Variants in CNKSR2 observed in about 807,000 individuals in gnomAD.
The protein encoded by CNKSR2 is connector enhancer of kinase suppressor of Ras 2.
A neutral mutation model predicts 84.4 loss-of-function variants in CNKSR2; 14 were observed. That is an observed-to-expected ratio of 0.17 (90% confidence interval 0.11 to 0.26). The LOEUF is 0.26. Among genes scored for constraint, CNKSR2 ranks in the 10% least tolerant of loss-of-function variants. The probability of loss-of-function intolerance (pLI) is 1.00; values close to 1 mark genes in which losing one functional copy is unlikely to be tolerated. For synonymous variants in CNKSR2, 275 were observed against 277.9 expected (o/e 0.99, Z 0.10); for missense variants, 485 against 771.2 (o/e 0.63, Z 4.40).
intron 4 of CNKSR2, among the ~76,000 whole-genome samples, chrX:21,449,632 C>T (rs1425554876): frequency 1.8e-5 from 2 of 110,580 alleles, no homozygotes; most frequent in African/African-American, 3.3e-5. Context: ...TAATAATGCT[C>T]ATATCAAATG....
intron 1 of CNKSR2, among the ~76,000 whole-genome samples, chrX:21,397,943 A>G (rs2146979762): frequency 9.0e-6 from 1 of 111,694 alleles, no homozygotes; most frequent in South Asian, 3.7e-4. Flanking sequence ...TTTATTCAGA[A>G]AGCTTATTGA....
intron 13 of CNKSR2, among the ~76,000 whole-genome samples, chrX:21,567,423 A>C: frequency 9.0e-6 from 1 of 111,623 alleles, no homozygotes; most frequent in Non-Finnish European, 1.9e-5. Context: ...TGAGTGAGTA[A>C]ATTTGACAGG....
chrX:21,430,044 G>A (rs751526559), intron 2 of CNKSR2, among the ~76,000 whole-genome samples: 14 of 111,944 alleles, frequency 1.3e-4, no homozygotes, highest in Non-Finnish European at 2.6e-4. Context: ...TTTAAAACAT[G>A]TTTTTAGATT....
intron 13 of CNKSR2, among the ~76,000 whole-genome samples, chrX:21,571,157 T>C (rs888751726): frequency 1.8e-5 from 2 of 112,537 alleles, no homozygotes; most frequent in African/African-American, 3.2e-5. Flanking sequence ...TGTTATTTAG[T>C]GTACTGTTGT....
At chrX:21,392,835 G>A (rs2090069652) in intron 1 of CNKSR2, among the ~76,000 whole-genome samples, 1 of 111,204 alleles carries the variant, frequency 9.0e-6, no homozygotes, top group Non-Finnish European at 1.9e-5. Flanking sequence ...AGATGAGTTT[G>A]GGTTATGAGG....
chrX:21,459,424 C>A (rs1472996735), intron 4 of CNKSR2, among the ~76,000 whole-genome samples: 1 of 111,261 alleles, frequency 9.0e-6, no homozygotes, highest in Non-Finnish European at 1.9e-5. Flanking sequence ...TAGATATATT[C>A]TTGATTCATT....
intron 20 of CNKSR2, among the ~76,000 whole-genome samples, chrX:21,637,965 C>T (rs1050060573): frequency 9.0e-6 from 1 of 111,135 alleles, no homozygotes; most frequent in African/African-American, 3.3e-5. Flanking sequence ...ACAAGTAGTC[C>T]TTGGCTTTGC....
At chrX:21,588,217 A>G (rs944225622) in intron 13 of CNKSR2, among the ~76,000 whole-genome samples, 1 of 111,983 alleles carries the variant, frequency 8.9e-6, no homozygotes, top group Admixed American at 9.5e-5. Flanking sequence ...GGGCAAAATA[A>G]TCTTATCATT....
At chrX:21,646,143 G>T (rs1170918895) in intron 20 of CNKSR2, among the ~76,000 whole-genome samples, 3 of 111,113 alleles carry the variant, frequency 2.7e-5, no homozygotes. Context: ...GTAGGGGATG[G>T]GGGCAGGGGG....
At chrX:21,418,457 T>C (rs1276770678) in intron 1 of CNKSR2, among the ~76,000 whole-genome samples, 1 of 112,031 alleles carries the variant, frequency 8.9e-6, no homozygotes, top group Non-Finnish European at 1.9e-5. Context: ...GTACTTCCTT[T>C]AGCATTTCTT....
At chrX:21,523,745 A>G (rs1178738296) in intron 9 of CNKSR2, among the ~76,000 whole-genome samples, 1 of 110,680 alleles carries the variant, frequency 9.0e-6, no homozygotes, top group African/African-American at 3.3e-5. Flanking sequence ...TGATAGGTGT[A>G]TTTTTAATGC....
chrX:21,402,923 A>T (rs748535732), intron 1 of CNKSR2, among the ~76,000 whole-genome samples: 1 of 111,537 alleles, frequency 9.0e-6, no homozygotes, highest in East Asian at 2.8e-4. Flanking sequence ...CTAGAACTAG[A>T]TCCTGGCACA....
chrX:21,451,754 C>T lies in CNKSR2; in HGVS notation c.519+10973C>T, dbSNP rs776987558. ...AGGAGATATACCTAATGCTAAATGA[C>T]GAGTTAATGGGTGCAGCACATCAGC... On this transcript the variant is annotated intron_variant, in intron 4 of 21. Transcript: ENST00000379510. Among the ~76,000 whole-genome samples, 400 of 105,016 alleles carry T rather than the reference C, an allele frequency of 3.8e-3. 1 individual carries two copies. Among genetic ancestry groups the T allele is most frequent in the South Asian group, 0.013 (28 of 2,128 alleles). The allele number at this position is 105,016 out of a possible 115,157, so 91.2% of individuals were successfully genotyped here. A position where few individuals can be genotyped will look rare whatever the true frequency, so the allele number is the denominator to read the frequency against.
chrX:21,420,867 C>G, intron 1 of CNKSR2, among the ~76,000 whole-genome samples: 1 of 111,326 alleles, frequency 9.0e-6, no homozygotes, highest in Non-Finnish European at 1.9e-5. Context: ...TACCAGCACT[C>G]TCTTGGCCAC....
intron 11 of CNKSR2, among the ~76,000 whole-genome samples, chrX:21,559,867 T>A (rs1240032115): frequency 7.1e-5 from 8 of 111,994 alleles, no homozygotes; most frequent in Non-Finnish European, 1.3e-4. Flanking sequence ...TTAATAATTT[T>A]ATCATGTCTA....
chrX:21,573,746 C>T (rs749692248), intron 13 of CNKSR2, among the ~76,000 whole-genome samples: 101 of 111,199 alleles, frequency 9.1e-4, no homozygotes, highest in Non-Finnish European at 1.6e-3. Context: ...ACCATTTTTT[C>T]CTCCTAAGCC....
At chrX:21,646,397 T>C (rs1220052837) in intron 20 of CNKSR2, among the ~76,000 whole-genome samples, 1 of 112,021 alleles carries the variant, frequency 8.9e-6, no homozygotes, top group Non-Finnish European at 1.9e-5. Flanking sequence ...TTAATACCTA[T>C]GTATGTCATT....
rs1602078570 is a variant in CNKSR2, at chrX:21,653,729, C to G, written c.*1208C>G. Reference sequence around the variant, plus strand: ...AGGAAAAGTCCTCTTCATATATTTCCATTTATAAGCGTCTTGTTTTTGAAA... The same window carrying G: ...AGGAAAAGTCCTCTTCATATATTTCGATTTATAAGCGTCTTGTTTTTGAAA... On this transcript the variant is annotated 3_prime_UTR_variant, in exon 22 of 22. Transcript: ENST00000379510. 1 of 110,647 alleles carries G rather than the reference C, an allele frequency of 9.0e-6. No individual in the cohort carries two copies. Among genetic ancestry groups the G allele is most frequent in the East Asian group, 2.9e-4 (1 of 3,505 alleles). The allele number at this position is 110,647 out of a possible 1,213,427, so 9.1% of individuals were successfully genotyped here.
In CNKSR2 at chrX:21,456,685, G is replaced by C. The variant is rs148801466; in HGVS notation, c.520-14081G>C. ...TGAGTAATGCTGCAATGGGAAACCA[G>C]ACATCTTTTCAATATAGTGATTTTA... is the stretch of plus-strand genomic sequence containing the variant. On this transcript the variant is annotated intron_variant, in intron 4 of 21. Coordinates refer to ENST00000379510, the MANE Select transcript of CNKSR2 (RefSeq NM_014927.5). 6.3e-3 allele frequency among the ~76,000 whole-genome samples: 702 copies of C among 111,685 alleles called. 8 individuals carry two copies. The highest frequency in any genetic ancestry group is 0.022 in the African/African-American group (664 of 30,833).
Sources: allele counts gnomAD v4.1 joint callset (sites outside exome capture counted in the v4.1 genomes callset), GRCh38; gene constraint gnomAD v4.1.1; transcripts MANE v1.5; gene names NCBI Gene and HGNC (gene_info 2026-07-23, HGNC 2026-07-21).